TMEM178B: variants seen among roughly 807,000 people sequenced by gnomAD.
TMEM178B encodes the protein transmembrane protein 178B.
In TMEM178B, 5 loss-of-function variants were observed where a neutral mutation model predicts 31.0. The ratio of observed to expected loss-of-function variants is 0.16; its 90% confidence interval spans 0.08 to 0.34. The LOEUF (loss-of-function observed/expected upper bound fraction) is 0.34. TMEM178B is among the 10% of genes least tolerant of loss of function. The pLI, the probability that TMEM178B is intolerant of heterozygous loss-of-function variation, is 1.00. For synonymous variants in TMEM178B, 164 were observed against 164.0 expected (o/e 1.00, Z 0.00); for missense variants, 275 against 400.3 (o/e 0.69, Z 2.67).
At chr7:141,378,090 C>T (rs1038921574) in intron 2 of TMEM178B, among the ~76,000 whole-genome samples, 1 of 152,168 alleles carries the variant, frequency 6.6e-6, no homozygotes, top group Non-Finnish European at 1.5e-5. Flanking sequence ...TCAGCCTTTC[C>T]TTATTTTTCA....
intron 3 of TMEM178B, among the ~76,000 whole-genome samples, chr7:141,440,006 A>G (rs1346108306): frequency 6.6e-6 from 1 of 152,240 alleles, no homozygotes; most frequent in Non-Finnish European, 1.5e-5. Flanking sequence ...CTGGTCAAAC[A>G]ATAAAGGGAC....
chr7:141,203,892 G>T (rs1796919788), intron 1 of TMEM178B, among the ~76,000 whole-genome samples: 1 of 152,188 alleles, frequency 6.6e-6, no homozygotes, highest in Non-Finnish European at 1.5e-5. Flanking sequence ...TCTCAGAAGT[G>T]GTCCAGTAGT....
intron 2 of TMEM178B, among the ~76,000 whole-genome samples, chr7:141,291,366 G>A (rs1798543382): frequency 6.6e-6 from 1 of 152,136 alleles, no homozygotes; most frequent in South Asian, 2.1e-4. Context: ...AACAGACGGT[G>A]CCTATCGTCT....
At chr7:141,426,117 T>C (rs1292854635) in intron 2 of TMEM178B, among the ~76,000 whole-genome samples, 1 of 152,174 alleles carries the variant, frequency 6.6e-6, no homozygotes, top group East Asian at 1.9e-4. Flanking sequence ...AAAATGAGAT[T>C]GGAGAAGAGA....
chr7:141,223,192 A>G (rs567309916), intron 2 of TMEM178B, among the ~76,000 whole-genome samples: 16 of 152,314 alleles, frequency 1.1e-4, no homozygotes, highest in African/African-American at 3.6e-4. Flanking sequence ...AATGTTGGAC[A>G]TAGAGAGAAA....
intron 2 of TMEM178B, among the ~76,000 whole-genome samples, chr7:141,238,236 T>C (rs1563127606): frequency 6.6e-6 from 1 of 152,164 alleles, no homozygotes; most frequent in East Asian, 1.9e-4. Context: ...AGTCTTACCC[T>C]GAAGCCCAGG....
intron 3 of TMEM178B, among the ~76,000 whole-genome samples, chr7:141,446,232 C>A (rs1459450436): frequency 6.6e-6 from 1 of 152,132 alleles, no homozygotes; most frequent in Admixed American, 6.5e-5. Context: ...TTCACCTTTG[C>A]CACCCAATGG....
chr7:141,193,119 A>G (rs1026338406), intron 1 of TMEM178B, among the ~76,000 whole-genome samples: 2 of 151,954 alleles, frequency 1.3e-5, no homozygotes, highest in Admixed American at 6.6e-5. Context: ...TGCTTCTCCT[A>G]TGAGGCGGTG....
rs116077491 is a variant in TMEM178B, at chr7:141,196,153, A to G, written c.383-16438A>G. Among the ~76,000 whole-genome samples the G allele has an allele frequency of 3.9e-3, 595 of 152,288 alleles. 3 individuals carry two copies. Among genetic ancestry groups the G allele is most frequent in the African/African-American group, 0.014 (572 of 41,560 alleles). On this transcript the variant is annotated intron_variant, in intron 1 of 3. Transcript: ENST00000565468. ...TCACTATACACACACACACATGCAC[A>G]CACACACACAGTTCTATTTCATTTA...
chr7:141,081,283 G>A (rs970548272), intron 1 of TMEM178B, among the ~76,000 whole-genome samples: 4 of 152,016 alleles, frequency 2.6e-5, no homozygotes, highest in South Asian at 2.1e-4. Context: ...TAACAAAAAC[G>A]TTTCAAAAGT....
chr7:141,233,716 T>C (rs1797483212), intron 2 of TMEM178B, among the ~76,000 whole-genome samples: 1 of 152,186 alleles, frequency 6.6e-6, no homozygotes, highest in Non-Finnish European at 1.5e-5. Flanking sequence ...AAAAGAAGGT[T>C]GAGAGCCCTA....
intron 2 of TMEM178B, among the ~76,000 whole-genome samples, chr7:141,390,141 A>G (rs2116602767): frequency 6.6e-6 from 1 of 152,302 alleles, no homozygotes; most frequent in East Asian, 1.9e-4. Context: ...AAGAGAGGGA[A>G]TTATTTAGGC....
intron 1 of TMEM178B, among the ~76,000 whole-genome samples, chr7:141,166,162 TG>T (rs1796257515): frequency 6.6e-6 from 1 of 152,188 alleles, no homozygotes; most frequent in Non-Finnish European, 1.5e-5. Context: ...CTATAGTAGG[TG>T]GGACCCAGAT....
intron 2 of TMEM178B, among the ~76,000 whole-genome samples, chr7:141,307,506 A>C (rs571344331): frequency 4.3e-4 from 65 of 152,240 alleles, no homozygotes; most frequent in African/African-American, 1.5e-3. Flanking sequence ...CCCCACCCTT[A>C]GGCCAACAGG....
Position 141,360,533 on chromosome 7 carries a change from C to G in TMEM178B, c.497-77075C>G, listed in dbSNP as rs561282803. Among the ~76,000 whole-genome samples the G allele has an allele frequency of 5.0e-4, 76 of 152,318 alleles. 1 individual carries two copies. The highest frequency in any genetic ancestry group is 1.7e-3 in the African/African-American group (71 of 41,570). Reference sequence around the variant, plus strand: ...CCTGCTTGGCATGCTAGTGCACAGGCAGGATGTCTGCAGTGGCTGTAGCTG... The same window carrying G: ...CCTGCTTGGCATGCTAGTGCACAGGGAGGATGTCTGCAGTGGCTGTAGCTG... On this transcript the variant is annotated intron_variant, in intron 2 of 3. Transcript: ENST00000565468.
At chr7:141,505,805 C>A in the TMEM178B span, among the ~76,000 whole-genome samples, 1 of 152,194 alleles carries the variant, frequency 6.6e-6, no homozygotes, top group African/African-American at 2.4e-5. Context: ...TCTGGCCTTG[C>A]AGAATTTCCA....
chr7:141,507,347 A>G, the TMEM178B span, among the ~76,000 whole-genome samples: 2 of 151,832 alleles, frequency 1.3e-5, no homozygotes, highest in African/African-American at 2.4e-5. Flanking sequence ...GTTTCCATAC[A>G]TCTTCTGAAA....
intron 2 of TMEM178B, among the ~76,000 whole-genome samples, chr7:141,392,779 T>C (rs1206920977): frequency 6.6e-6 from 1 of 151,626 alleles, no homozygotes; most frequent in Non-Finnish European, 1.5e-5. Context: ...TCTGGCTCAG[T>C]GGACAGCAGC....
intron 2 of TMEM178B, among the ~76,000 whole-genome samples, chr7:141,381,536 C>T (rs1362707638): frequency 6.6e-6 from 1 of 152,100 alleles, no homozygotes; most frequent in Non-Finnish European, 1.5e-5. Flanking sequence ...AAAGTCGAGT[C>T]CTATTTCTCT....
Sources: allele counts gnomAD v4.1 joint callset (sites outside exome capture counted in the v4.1 genomes callset), GRCh38; gene constraint gnomAD v4.1.1; transcripts MANE v1.5; gene names NCBI Gene and HGNC (gene_info 2026-07-23, HGNC 2026-07-21).